The following MARCHF11 variants were observed in gnomAD, a reference collection of about 807,000 sequenced individuals.
MARCHF11 encodes the protein membrane associated ring-CH-type finger 11.
In MARCHF11, 29 loss-of-function variants were observed where a neutral mutation model predicts 37.3. The observed-to-expected ratio is 0.78, with a 90% CI of 0.58 to 1.06. MARCHF11 has a LOEUF of 1.06. Ranked by LOEUF, MARCHF11 falls within the 50% of genes least tolerant of loss-of-function variation. The pLI is 0.00. For synonymous variants in MARCHF11, 233 were observed against 228.0 expected (o/e 1.02, Z -0.20); for missense variants, 482 against 533.4 (o/e 0.90, Z 0.95).
At chr5:16,174,105 T>C (rs1738317504) in intron 2 of MARCHF11, among the ~76,000 whole-genome samples, 1 of 152,224 alleles carries the variant, frequency 6.6e-6, no homozygotes, top group African/African-American at 2.4e-5. Flanking sequence ...AAGCCATTCA[T>C]AAACTGGAAT....
intron 2 of MARCHF11, among the ~76,000 whole-genome samples, chr5:16,095,000 T>G (rs141636992): frequency 6.6e-6 from 1 of 152,232 alleles, no homozygotes; most frequent in African/African-American, 2.4e-5. Context: ...GTGCCCAAGG[T>G]TACACATCCA....
intron 2 of MARCHF11, among the ~76,000 whole-genome samples, chr5:16,134,998 T>TCACACACACA (rs1553996992): frequency 3.5e-5 from 5 of 143,704 alleles, no homozygotes; most frequent in African/African-American, 5.2e-5. Context: ...TCTCTCTCTC[T>TCACACACACA]CACACACACA....
At chr5:16,104,543 C>A (rs900748508) in intron 2 of MARCHF11, among the ~76,000 whole-genome samples, 6 of 152,062 alleles carry the variant, frequency 3.9e-5, no homozygotes, top group Admixed American at 1.3e-4. Context: ...TGAATAAAAT[C>A]TTCTTTCAAT....
intron 2 of MARCHF11, among the ~76,000 whole-genome samples, chr5:16,109,200 G>A (rs1323458401): frequency 6.6e-6 from 1 of 151,850 alleles, no homozygotes; most frequent in African/African-American, 2.4e-5. Context: ...AATCTTCAAA[G>A]TGCTAAATGT....
rs529985113 is a variant in MARCHF11, at chr5:16,073,996, G to A, written c.887-6203C>T. On this transcript the variant is annotated intron_variant, in intron 3 of 3. Coordinates refer to ENST00000332432, the MANE Select transcript of MARCHF11 (RefSeq NM_001102562.3). ...ATTCTCCAAGATAGACCATATGATA[G>A]GCCACAGAACAAGTCTCAATAAATT... 3.9e-5 allele frequency among the ~76,000 whole-genome samples: 6 copies of A among 152,148 alleles called. No homozygotes were observed. The South Asian group carries it at 8.3e-4, about 21-fold the overall frequency.
chr5:16,148,220 A>T (rs1375457072), intron 2 of MARCHF11, among the ~76,000 whole-genome samples: 2 of 152,154 alleles, frequency 1.3e-5, no homozygotes, highest in African/African-American at 4.8e-5. Context: ...AATTTACTTT[A>T]TGTTAAAAGA....
At chr5:16,164,232 G>A (rs985074239) in intron 2 of MARCHF11, among the ~76,000 whole-genome samples, 1 of 152,036 alleles carries the variant, frequency 6.6e-6, no homozygotes, top group Non-Finnish European at 1.5e-5. Flanking sequence ...AAACATATTT[G>A]CACCTAACAA....
At chr5:16,145,150 T>C (rs570375402) in intron 2 of MARCHF11, among the ~76,000 whole-genome samples, 2 of 152,046 alleles carry the variant, frequency 1.3e-5, no homozygotes, top group African/African-American at 4.8e-5. Flanking sequence ...TGGAAAGAGG[T>C]GGGAGGGAAG....
At chr5:16,084,289 G>A (rs1191874778) in intron 3 of MARCHF11, among the ~76,000 whole-genome samples, 2 of 152,190 alleles carry the variant, frequency 1.3e-5, no homozygotes, top group Admixed American at 6.5e-5. Context: ...AGTAGCTCTA[G>A]CTAGATATAT....
At chr5:16,083,233 G>A (rs541019741) in intron 3 of MARCHF11, among the ~76,000 whole-genome samples, 3 of 152,196 alleles carry the variant, frequency 2.0e-5, no homozygotes, top group African/African-American at 2.4e-5. Context: ...AAGTGGTCCC[G>A]AATCAGACCA....
intron 2 of MARCHF11, among the ~76,000 whole-genome samples, chr5:16,104,138 C>T (rs867703796): frequency 5.3e-5 from 8 of 152,166 alleles, no homozygotes; most frequent in Admixed American, 2.0e-4. Context: ...CCCAGCTTCT[C>T]GACCCTTTCT....
chr5:16,173,672 T>C (rs115600615), intron 2 of MARCHF11, among the ~76,000 whole-genome samples: 1,934 of 152,270 alleles, frequency 0.013, 38 homozygotes, highest in African/African-American at 0.045. Flanking sequence ...AGAGAAGCCA[T>C]GAACTTCACT....
At chr5:16,102,081 A>G (rs1406731036) in intron 2 of MARCHF11, among the ~76,000 whole-genome samples, 1 of 152,206 alleles carries the variant, frequency 6.6e-6, no homozygotes, top group East Asian at 1.9e-4. Context: ...GACATTTGGT[A>G]TATCTTAGAA....
At chr5:16,082,379 T>C (rs1736625960) in intron 3 of MARCHF11, among the ~76,000 whole-genome samples, 1 of 152,190 alleles carries the variant, frequency 6.6e-6, no homozygotes, top group Non-Finnish European at 1.5e-5. Flanking sequence ...TAAGAAATGA[T>C]TCCTAATGAG....
intron 3 of MARCHF11, among the ~76,000 whole-genome samples, chr5:16,083,499 G>A (rs556517187): frequency 2.0e-5 from 3 of 152,132 alleles, no homozygotes; most frequent in East Asian, 3.9e-4. Flanking sequence ...AAGCATGCTC[G>A]TCTATGGTTC....
chr5:16,081,009 C>G (rs540320768), intron 3 of MARCHF11, among the ~76,000 whole-genome samples: 1 of 152,114 alleles, frequency 6.6e-6, no homozygotes, highest in Non-Finnish European at 1.5e-5. Context: ...AGATTTCATA[C>G]GATGTCTTTA....
intron 2 of MARCHF11, among the ~76,000 whole-genome samples, chr5:16,121,054 ACT>A (rs1737301523): frequency 6.6e-6 from 1 of 152,242 alleles, no homozygotes; most frequent in Non-Finnish European, 1.5e-5. Context: ...TTCCCCGCAC[ACT>A]GACTTCCTTA....
intron 2 of MARCHF11, among the ~76,000 whole-genome samples, chr5:16,161,985 C>T (rs570134994): frequency 6.6e-6 from 1 of 152,048 alleles, no homozygotes; most frequent in South Asian, 2.1e-4. Context: ...AATTATTTTT[C>T]ACTTGTTGTA....
intron 2 of MARCHF11, among the ~76,000 whole-genome samples, chr5:16,164,133 A>AT (rs1442647139): frequency 6.6e-6 from 1 of 152,090 alleles, no homozygotes; most frequent in Non-Finnish European, 1.5e-5. Context: ...GTAGTTTGTT[A>AT]TAACAGCACA....
Sources: allele counts gnomAD v4.1 joint callset (sites outside exome capture counted in the v4.1 genomes callset), GRCh38; gene constraint gnomAD v4.1.1; transcripts MANE v1.5; gene names NCBI Gene and HGNC (gene_info 2026-07-23, HGNC 2026-07-21).